The following CD99 variants were observed in gnomAD, a reference collection of about 807,000 sequenced individuals.
The protein encoded by CD99 is CD99 molecule (Xg blood group), also known as CD99 antigen.
CD99 carries 19 observed loss-of-function variants against 28.4 expected under a neutral mutation model. The observed-to-expected ratio is 0.67, with a 90% CI of 0.47 to 0.98. The LOEUF (loss-of-function observed/expected upper bound fraction) is 0.98. Among genes scored for constraint, CD99 ranks in the 50% least tolerant of loss-of-function variants. The pLI is 0.00. For missense variants in CD99, 283 were observed against 248.8 expected, an observed-to-expected ratio of 1.14 and a Z score of -0.92; for synonymous variants, 103 against 92.1, an observed-to-expected ratio of 1.12 and a Z score of -0.67.
intron 1 of CD99, among the ~76,000 whole-genome samples, chrX:2,708,956 T>A (rs2048250370): frequency 6.6e-6 from 1 of 151,856 alleles, no homozygotes; most frequent in South Asian, 2.1e-4. Context: ...GGAAGGAACA[T>A]GAAGTGAGCC....
intron 7 of CD99, among the ~76,000 whole-genome samples, chrX:2,724,941 A>AATCCC (rs1303145650): frequency 6.6e-6 from 1 of 150,952 alleles, no homozygotes; most frequent in Non-Finnish European, 1.5e-5. Flanking sequence ...ACACACCTGT[A>AATCCC]ATCCCAGCTA....
intron 8 of CD99, among the ~76,000 whole-genome samples, chrX:2,737,334 C>T (rs111341305): frequency 0.036 from 5,488 of 151,404 alleles, 138 homozygotes; most frequent in Non-Finnish European, 0.056. Context: ...CACGCCACCA[C>T]GCCCAGCTAA....
chrX:2,699,459 C>T (rs1447647498), intron 1 of CD99, among the ~76,000 whole-genome samples: 5 of 149,488 alleles, frequency 3.3e-5, no homozygotes, highest in Admixed American at 1.3e-4. Flanking sequence ...TGAGCCACCG[C>T]GCCCAGCCTT....
chrX:2,717,737 G>A, intron 3 of CD99, 85 bp downstream of exon 3: 2 of 1,210,320 alleles, frequency 1.7e-6, no homozygotes, highest in Admixed American at 1.7e-5. Context: ...CAACTAGAAA[G>A]AAGACAGAAG....
intron 8 of CD99, among the ~76,000 whole-genome samples, chrX:2,731,580 C>T (rs762247095): frequency 1.3e-5 from 2 of 152,234 alleles, no homozygotes; most frequent in African/African-American, 4.8e-5. Context: ...AAGAGCGAGA[C>T]TTTGTCTCAA....
intron 1 of CD99, among the ~76,000 whole-genome samples, chrX:2,693,150 G>GTTT (rs1556296914): frequency 1.4e-5 from 2 of 147,024 alleles, no homozygotes; most frequent in African/African-American, 5.0e-5. Flanking sequence ...GGTGGTGGTG[G>GTTT]TTTTTTTTTT....
At chrX:2,715,358 C>T (rs1458297852) in intron 2 of CD99, 1 of 152,204 alleles carries the variant, frequency 6.6e-6, no homozygotes, top group Admixed American at 6.6e-5. Flanking sequence ...TAGACAGACC[C>T]ATGCTCCCTC....
chrX:2,738,314 C>T, intron 9 of CD99, 58 bp downstream of exon 9: 1 of 1,488,302 alleles, frequency 6.7e-7, no homozygotes, highest in African/African-American at 1.4e-5. Flanking sequence ...ATTTTATCTT[C>T]TCCATCCTCT....
chrX:2,725,067 CAAAAA>C (rs1021379378), intron 7 of CD99, among the ~76,000 whole-genome samples: 1 of 120,234 alleles, frequency 8.3e-6, no homozygotes, highest in Non-Finnish European at 1.8e-5. Flanking sequence ...GTCTCCCCGC[CAAAAA>C]AAAAAGAATT....
intron 8 of CD99, among the ~76,000 whole-genome samples, chrX:2,736,335 A>G (rs1028221549): frequency 1.3e-5 from 2 of 152,234 alleles, no homozygotes; most frequent in African/African-American, 2.4e-5. Context: ...GGGGAAACGC[A>G]TGGCCACAGA....
chrX:2,724,248 G>C (rs1367222198), intron 7 of CD99, among the ~76,000 whole-genome samples: 1 of 152,142 alleles, frequency 6.6e-6, no homozygotes, highest in African/African-American at 2.4e-5. Context: ...TGTCTACTAT[G>C]TCACTTCATC....
intron 8 of CD99, among the ~76,000 whole-genome samples, chrX:2,731,197 T>C (rs2049585763): frequency 6.6e-6 from 1 of 152,202 alleles, no homozygotes; most frequent in African/African-American, 2.4e-5. Flanking sequence ...ATGGGTTCGA[T>C]TTCCGGGATG....
intron 1 of CD99, 36 bp downstream of exon 1, chrX:2,691,463 G>T: frequency 6.4e-7 from 1 of 1,562,146 alleles, no homozygotes. Flanking sequence ...GGGGGACGCG[G>T]AGGGCGCGGG....
At chrX:2,695,453 C>A (rs973652370) in intron 1 of CD99, among the ~76,000 whole-genome samples, 20 of 151,768 alleles carry the variant, frequency 1.3e-4, no homozygotes, top group African/African-American at 4.6e-4. Context: ...TCTCTGTTGC[C>A]CAGACTGGAG....
chrX:2,735,933 T>G (rs192249171), intron 8 of CD99, among the ~76,000 whole-genome samples: 90 of 152,162 alleles, frequency 5.9e-4, no homozygotes, highest in African/African-American at 2.1e-3. Context: ...CTTGGCACGG[T>G]GGTTCACACC....
At chrX:2,721,583 AC>A (rs2048995185) in intron 5 of CD99, among the ~76,000 whole-genome samples, 1 of 152,160 alleles carries the variant, frequency 6.6e-6, no homozygotes, top group African/African-American at 2.4e-5. Flanking sequence ...GGCACGAGTC[AC>A]CTCACCCAGC....
intron 2 of CD99, among the ~76,000 whole-genome samples, chrX:2,716,778 C>CCATT (rs1257506276): frequency 1.3e-5 from 2 of 152,204 alleles, no homozygotes; most frequent in African/African-American, 4.8e-5. Flanking sequence ...TTGGGAACAA[C>CCATT]CATTCCCTGC....
intron 5 of CD99, among the ~76,000 whole-genome samples, chrX:2,720,914 C>T (rs1283405043): frequency 6.6e-6 from 1 of 152,184 alleles, no homozygotes; most frequent in Non-Finnish European, 1.5e-5. Context: ...GTGTGAGCCA[C>T]TGTGCCTGGA....
intron 8 of CD99, among the ~76,000 whole-genome samples, chrX:2,727,019 C>G (rs180932925): frequency 0.065 from 9,943 of 152,142 alleles, 1,052 homozygotes; most frequent in African/African-American, 0.23. Flanking sequence ...CGTCTGTAGT[C>G]CCAGCTACTC....
Sources: allele counts gnomAD v4.1 joint callset (sites outside exome capture counted in the v4.1 genomes callset), GRCh38; gene constraint gnomAD v4.1.1; transcripts MANE v1.5; gene names NCBI Gene and HGNC (gene_info 2026-07-23, HGNC 2026-07-21).